Variants in CPQ observed in about 807,000 individuals in gnomAD.
The protein encoded by CPQ is carboxypeptidase Q.
In CPQ, 37 loss-of-function variants were observed where a neutral mutation model predicts 45.7. The ratio of observed to expected loss-of-function variants is 0.81; its 90% CI spans 0.62 to 1.07. CPQ has a LOEUF of 1.07. Ranked by LOEUF, CPQ falls within the 50% of genes least tolerant of loss-of-function variation. CPQ has a pLI of 0.00. For synonymous variants in CPQ, 186 were observed against 205.8 expected, an observed-to-expected ratio of 0.90 and a Z score of 0.82; for missense variants, 537 against 572.9, an observed-to-expected ratio of 0.94 and a Z score of 0.64.
intron 4 of CPQ, among the ~76,000 whole-genome samples, chr8:96,960,042 T>A (rs1260530468): frequency 3.9e-5 from 6 of 152,144 alleles, no homozygotes; most frequent in Non-Finnish European, 7.4e-5. Flanking sequence ...CAGGTTTAGA[T>A]GAATATCTAT....
chr8:96,775,745 C>T (rs1044029965), intron 1 of CPQ, among the ~76,000 whole-genome samples: 1 of 152,204 alleles, frequency 6.6e-6, no homozygotes, highest in Non-Finnish European at 1.5e-5. Flanking sequence ...GTTCTTAGTA[C>T]ACAGATTGTC....
chr8:96,929,807 T>C (rs1812946969), intron 4 of CPQ, among the ~76,000 whole-genome samples: 2 of 152,036 alleles, frequency 1.3e-5, no homozygotes, highest in Non-Finnish European at 2.9e-5. Flanking sequence ...ACTGAAAAAA[T>C]ATAGATAGAG....
At chr8:97,038,394 C>T (rs968193010) in intron 6 of CPQ, among the ~76,000 whole-genome samples, 2 of 152,160 alleles carry the variant, frequency 1.3e-5, no homozygotes, top group Admixed American at 1.3e-4. Flanking sequence ...CTCCCTACTC[C>T]TAACCAGGTC....
intron 2 of CPQ, among the ~76,000 whole-genome samples, chr8:96,801,101 G>A (rs557852220): frequency 9.9e-5 from 15 of 151,532 alleles, no homozygotes; most frequent in Non-Finnish European, 2.2e-4. Context: ...TCAGCCTCCC[G>A]AGTAGCTGGG....
chr8:96,893,861 T>C (rs911227458), intron 4 of CPQ, among the ~76,000 whole-genome samples: 3 of 151,730 alleles, frequency 2.0e-5, no homozygotes, highest in Non-Finnish European at 4.4e-5. Flanking sequence ...TATGTCCACA[T>C]TTTTTTTTAA....
At chr8:96,722,158 G>A (rs962773481) in intron 1 of CPQ, among the ~76,000 whole-genome samples, 3 of 152,274 alleles carry the variant, frequency 2.0e-5, no homozygotes, top group Admixed American at 1.3e-4. Flanking sequence ...TGGTTCACAA[G>A]TAGGTATTCC....
At position 96,835,089 on chromosome 8, in the gene CPQ, G is replaced by C; in HGVS notation, c.550G>C (p.Val184Leu). 1 of 1,608,086 alleles carries C rather than the reference G, an allele frequency of 6.2e-7. No homozygotes were observed. Among genetic ancestry groups the C allele is most frequent in the Non-Finnish European group, 8.5e-7 (1 of 1,177,128 alleles). Residue 184 changes from valine to leucine, a missense_variant, in exon 3 of 8, where the codon GTG (valine) becomes CTG (leucine). Coordinates refer to ENST00000220763, the MANE Select transcript of CPQ (RefSeq NM_016134.4). ...NQPYINYSRT[V>L]QYRTQGAVEA... The stretch of plus-strand genomic sequence containing the variant: ...ACCTTACATCAACTACTCAAGGACG[G>C]TGCAATACCGAACGCAGGGGGCGGT...
chr8:96,745,620 G>A (rs1810169576), intron 1 of CPQ, among the ~76,000 whole-genome samples: 1 of 152,174 alleles, frequency 6.6e-6, no homozygotes, highest in Non-Finnish European at 1.5e-5. Flanking sequence ...AGAGATTAAA[G>A]AAGATACTTG....
chr8:96,789,248 A>G (rs1257379151), intron 2 of CPQ, among the ~76,000 whole-genome samples: 1 of 152,016 alleles, frequency 6.6e-6, no homozygotes, highest in East Asian at 1.9e-4. Context: ...TGAATATTTA[A>G]AATAATAATT....
intron 1 of CPQ, among the ~76,000 whole-genome samples, chr8:96,760,353 G>C (rs1296434319): frequency 6.6e-6 from 1 of 152,166 alleles, no homozygotes; most frequent in East Asian, 1.9e-4. Flanking sequence ...CCACTTTATG[G>C]AGGAGGAAAC....
chr8:96,724,173 C>T (rs1028602741), intron 1 of CPQ, among the ~76,000 whole-genome samples: 1 of 151,832 alleles, frequency 6.6e-6, no homozygotes, highest in Non-Finnish European at 1.5e-5. Context: ...CTGTTTTTAA[C>T]TAAAAAATAG....
At chr8:97,068,770 G>A (rs2513347) in intron 7 of CPQ, among the ~76,000 whole-genome samples, 107,544 of 152,156 alleles carry the variant, frequency 0.71, 38,123 homozygotes, top group Non-Finnish European at 0.72. Flanking sequence ...CAATTATCAT[G>A]ATCCCTATTT....
intron 7 of CPQ, among the ~76,000 whole-genome samples, chr8:97,071,825 A>G (rs1042865309): frequency 2.0e-5 from 3 of 152,194 alleles, no homozygotes; most frequent in African/African-American, 7.2e-5. Flanking sequence ...TACAGAGTGC[A>G]TAATTTGGCC....
chr8:97,125,792 C>T (rs997318180), intron 7 of CPQ, among the ~76,000 whole-genome samples: 10 of 152,174 alleles, frequency 6.6e-5, no homozygotes, highest in Non-Finnish European at 1.5e-4. Flanking sequence ...TGCTTTCCTA[C>T]TACGATGGGG....
At chr8:96,832,658 G>A (rs1275546043) in intron 2 of CPQ, among the ~76,000 whole-genome samples, 6 of 152,140 alleles carry the variant, frequency 3.9e-5, no homozygotes, top group Non-Finnish European at 7.3e-5. Context: ...GCCAGGGAAT[G>A]CTCCCTAAAG....
At chr8:96,681,898 C>A (rs1326405906) in intron 1 of CPQ, among the ~76,000 whole-genome samples, 2 of 152,166 alleles carry the variant, frequency 1.3e-5, no homozygotes, top group African/African-American at 4.8e-5. Flanking sequence ...TTCGGACTTG[C>A]ATGGGGCCTG....
chr8:96,683,766 TAAA>T (rs57075384), intron 1 of CPQ, among the ~76,000 whole-genome samples: 11 of 148,520 alleles, frequency 7.4e-5, no homozygotes, highest in African/African-American at 9.9e-5. Flanking sequence ...ACTGAGTTAT[TAAA>T]AAAAAAAAAC....
chr8:97,137,684 C>G (rs1437924039), intron 7 of CPQ, among the ~76,000 whole-genome samples: 1 of 152,176 alleles, frequency 6.6e-6, no homozygotes, highest in Non-Finnish European at 1.5e-5. Flanking sequence ...AATCCCAGCA[C>G]TTTGGGAGGC....
chr8:96,762,749 C>T (rs780155831), intron 1 of CPQ, among the ~76,000 whole-genome samples: 1 of 152,028 alleles, frequency 6.6e-6, no homozygotes, highest in Non-Finnish European at 1.5e-5. Context: ...CTCAATGAAC[C>T]GTAGTTTTAG....
Sources: allele counts gnomAD v4.1 joint callset (sites outside exome capture counted in the v4.1 genomes callset), GRCh38; gene constraint gnomAD v4.1.1; transcripts MANE v1.5; gene names NCBI Gene and HGNC (gene_info 2026-07-23, HGNC 2026-07-21).